The following ENTREP2 variants were observed in gnomAD, a reference collection of about 807,000 sequenced individuals.
ENTREP2 encodes endosomal transmembrane epsin interactor 2.
the ENTREP2 span, among the ~76,000 whole-genome samples, chr15:29,312,119 A>G: frequency 6.6e-6 from 1 of 152,234 alleles, no homozygotes; most frequent in African/African-American, 2.4e-5. Flanking sequence ...CTTAATTAAC[A>G]AAGAAAAACT....
At chr15:29,447,567 C>T in the ENTREP2 span, among the ~76,000 whole-genome samples, 6 of 152,116 alleles carry the variant, frequency 3.9e-5, no homozygotes, top group African/African-American at 1.4e-4. Flanking sequence ...TGGGCTTAAG[C>T]CATCCTCCCA....
the ENTREP2 span, among the ~76,000 whole-genome samples, chr15:29,489,444 TCAACAGTCAG>T: frequency 6.6e-6 from 1 of 152,110 alleles, no homozygotes; most frequent in African/African-American, 2.4e-5. Context: ...GTGATCTTTA[TCAACAGTCAG>T]CAACAGGATA....
the ENTREP2 span, among the ~76,000 whole-genome samples, chr15:29,482,489 C>A: frequency 6.6e-6 from 1 of 152,268 alleles, no homozygotes; most frequent in African/African-American, 2.4e-5. Context: ...CTGTGCCCCA[C>A]CTATTCATCT....
At chr15:29,600,457 T>C in the ENTREP2 span, among the ~76,000 whole-genome samples, 1 of 151,868 alleles carries the variant, frequency 6.6e-6, no homozygotes, top group Non-Finnish European at 1.5e-5. Flanking sequence ...ATCATCATCA[T>C]CATCATCATC....
the ENTREP2 span, among the ~76,000 whole-genome samples, chr15:29,214,428 T>C: frequency 6.6e-6 from 1 of 152,114 alleles, no homozygotes. Flanking sequence ...CTCAGCAAAC[T>C]ATCGCAAGGA....
At chr15:29,579,686 A>ATTTTTTTT in the ENTREP2 span, among the ~76,000 whole-genome samples, 30 of 55,820 alleles carry the variant, frequency 5.4e-4, no homozygotes, top group African/African-American at 2.3e-3. Context: ...CACCCAGCTA[A>ATTTTTTTT]TTTTTTTTTT....
chr15:29,674,138 G>GGGA, the ENTREP2 span, among the ~76,000 whole-genome samples: 1 of 149,880 alleles, frequency 6.7e-6, no homozygotes. Context: ...TGGGGGGGGG[G>GGGA]GGGGGCTTTG....
At chr15:29,198,713 C>T in the ENTREP2 span, among the ~76,000 whole-genome samples, 1 of 152,240 alleles carries the variant, frequency 6.6e-6, no homozygotes, top group African/African-American at 2.4e-5. Flanking sequence ...ATGCCTCATT[C>T]CCTGTCATTC....
At chr15:29,543,473 C>G in the ENTREP2 span, among the ~76,000 whole-genome samples, 1 of 152,124 alleles carries the variant, frequency 6.6e-6, no homozygotes. Flanking sequence ...TTACATACCT[C>G]AGGCTTAAAA....
At chr15:29,351,351 T>C in the ENTREP2 span, among the ~76,000 whole-genome samples, 1 of 152,210 alleles carries the variant, frequency 6.6e-6, no homozygotes, top group African/African-American at 2.4e-5. Flanking sequence ...ATTATAGACA[T>C]CATTATGCAG....
At chr15:29,424,132 A>T in the ENTREP2 span, among the ~76,000 whole-genome samples, 1 of 150,440 alleles carries the variant, frequency 6.6e-6, no homozygotes. Flanking sequence ...GAAGCTGCAA[A>T]CCCTCAATGT....
chr15:29,269,877 T>G, the ENTREP2 span: 1 of 603,458 alleles, frequency 1.7e-6, no homozygotes, highest in Non-Finnish European at 2.6e-6. Context: ...GCGGTGCGCC[T>G]GCGCGGCTGC....
chr15:29,371,349 A>AACACACACACACACACACAC, the ENTREP2 span, among the ~76,000 whole-genome samples: 71 of 133,982 alleles, frequency 5.3e-4, no homozygotes, highest in African/African-American at 1.7e-3. Context: ...CACCCCCGCA[A>AACACACACACACACACACAC]ACACACACAC....
At chr15:29,645,116 A>T in the ENTREP2 span, among the ~76,000 whole-genome samples, 1 of 152,308 alleles carries the variant, frequency 6.6e-6, no homozygotes, top group Middle Eastern at 3.4e-3. Flanking sequence ...CCAAATACAC[A>T]CTATAGCAGG....
At chr15:29,235,054 C>G in the ENTREP2 span, 1 of 1,147,144 alleles carries the variant, frequency 8.7e-7, no homozygotes, top group South Asian at 1.2e-5. Flanking sequence ...GGTAGTGGCC[C>G]CACAGCCAGG....
the ENTREP2 span, among the ~76,000 whole-genome samples, chr15:29,370,127 G>A: frequency 6.6e-6 from 1 of 152,050 alleles, no homozygotes; most frequent in Non-Finnish European, 1.5e-5. Flanking sequence ...ATAGCATACT[G>A]GGAGACATAA....
chr15:29,123,106 G>A, the ENTREP2 span: 15 of 496,992 alleles, frequency 3.0e-5, 1 homozygote, highest in South Asian at 3.3e-4. Flanking sequence ...TCATCTTTCC[G>A]AATTACTGGG....
chr15:29,556,158 G>A, the ENTREP2 span, among the ~76,000 whole-genome samples: 7 of 152,168 alleles, frequency 4.6e-5, no homozygotes, highest in Non-Finnish European at 8.8e-5. Flanking sequence ...TTGGGAGACT[G>A]AGGTGGGAGG....
chr15:29,663,827 C>A, the ENTREP2 span, among the ~76,000 whole-genome samples: 2 of 151,974 alleles, frequency 1.3e-5, no homozygotes, highest in South Asian at 2.1e-4. Context: ...CAAACCTGCA[C>A]GTTGTGCACA....
Sources: allele counts gnomAD v4.1 joint callset (sites outside exome capture counted in the v4.1 genomes callset), GRCh38; gene constraint gnomAD v4.1.1; transcripts MANE v1.5; gene names NCBI Gene and HGNC (gene_info 2026-07-23, HGNC 2026-07-21).